The following ADCY7 variants were observed in gnomAD, a reference collection of about 807,000 sequenced individuals.
ADCY7 encodes the protein adenylate cyclase 7.
ADCY7 carries 72 observed loss-of-function variants against 120.6 expected under a neutral mutation model. The observed-to-expected ratio is 0.60, with a 90% CI of 0.49 to 0.73. The LOEUF (loss-of-function observed/expected upper bound fraction) is 0.73, where lower values mean the gene tolerates loss of function less well. Among genes scored for constraint, ADCY7 ranks in the 30% least tolerant of loss-of-function variants. The pLI, the probability that ADCY7 is intolerant of heterozygous loss-of-function variation, is 0.00. For synonymous variants in ADCY7, 661 were observed against 628.0 expected (o/e 1.05, Z -0.78); for missense variants, 1,227 against 1,486.0 (o/e 0.83, Z 2.87).
At position 50,298,681 on chromosome 16, in the gene ADCY7, C is replaced by T. The variant is rs116329091; in HGVS notation, c.949-223C>T. ...CCTCCCCGAGGCCCTTAGGAACACT[C>T]GTGTTCACCTCTGGTGCTTGCCTGG... On this transcript the variant is annotated intron_variant, in intron 7 of 25. Transcript: ENST00000673801. Among the ~76,000 whole-genome samples, 868 of 152,322 alleles carry T rather than the reference C, an allele frequency of 5.7e-3. 10 individuals are homozygous for T. The highest frequency in any genetic ancestry group is 0.02 in the African/African-American group (833 of 41,570).
rs1399428944 is a variant in ADCY7, at chr16:50,297,235, T to A, written c.949-1669T>A. ...TATCAACAATCAGATTCCAGAAGTG[T>A]AAGCTCTTTCCAAGAGCCAGGGCCT... On this transcript the variant is annotated intron_variant, in intron 7 of 25. Transcript: ENST00000673801. The surrounding 1 kb of genome is among the most constrained non-coding windows in gnomAD (Gnocchi z 4.4). Among the ~76,000 whole-genome samples the A allele has an allele frequency of 6.7e-6, 1 of 149,644 alleles. No individual in the cohort carries two copies. Among genetic ancestry groups the A allele is most frequent in the Non-Finnish European group, 1.5e-5 (1 of 67,134 alleles).
At position 50,301,250 on chromosome 16, in the gene ADCY7, C is replaced by T. The variant is rs372662079; in HGVS notation, c.1368+36C>T. On this transcript the variant is annotated intron_variant, in intron 10 of 25. Transcript: ENST00000673801. ...TCAGAGGCCGCAGCTGGGGGGGACC[C>T]GGAGGGACTGGAGGGGCCCTGGAGA... The T allele has an allele frequency of 8.0e-5, 124 of 1,551,810 alleles. 1 individual carries two copies. In the African/African-American group the frequency reaches 1.3e-3, roughly 17 times the overall value.
Position 50,308,323 on chromosome 16 carries a change from C to T in ADCY7, c.1851-4C>T, listed in dbSNP as rs1181618199. 1.9e-6 allele frequency: 3 copies of T among 1,614,202 alleles called. No individual in the cohort carries two copies. Among genetic ancestry groups the T allele is most frequent in the Non-Finnish European group, 2.5e-6 (3 of 1,180,044 alleles). ...CAGAACTGAGGTTCTTCCCTCCTCT[C>T]CAGGACGGCGGCACTGGGTGTGTCC... On this transcript the variant is annotated splice_region_variant and splice_polypyrimidine_tract_variant and intron_variant, in intron 15 of 25. Transcript: ENST00000673801.
rs377149843 is a variant in ADCY7, at chr16:50,274,106, A to C, written c.-269+7426A>C. On this transcript the variant is annotated intron_variant, in intron 1 of 25. Coordinates refer to ENST00000673801, the MANE Select transcript of ADCY7 (RefSeq NM_001114.5). ...TTTAGATTGCCGGAGCTGGAGATGAAAGGGTGGGGCTTGTTTGGGGAACCG... is the reference window on the plus strand; with the variant it reads ...TTTAGATTGCCGGAGCTGGAGATGACAGGGTGGGGCTTGTTTGGGGAACCG... 5.5e-4 allele frequency: 84 copies of C among 152,448 alleles called. 1 individual carries two copies. In the South Asian group the frequency reaches 0.017, roughly 31 times the overall value. The allele number at this position is 152,448 out of a possible 1,614,324, so 9.4% of individuals were successfully genotyped here. A position where few individuals can be genotyped will look rare whatever the true frequency, so the allele number is the denominator to read the frequency against.
chr16:50,307,176 C>T (rs200433547), intron 15 of ADCY7, 29 bp downstream of exon 15: 116 of 1,597,214 alleles, frequency 7.3e-5, no homozygotes, highest in East Asian at 3.1e-4. Context: ...TGTGGGGGTC[C>T]GGCCTGCTGG....
rs1483737012 is a variant in ADCY7, at chr16:50,304,441, A to G, written c.1450A>G (p.Met484Val). Residue 484 changes from methionine (M) to valine (V), a missense_variant, in exon 11 of 26, where the codon ATG (methionine) becomes GTG (valine). Coordinates refer to ENST00000673801, the MANE Select transcript of ADCY7 (RefSeq NM_001114.5). ...CCTGAAGATGCGGGCGTCAGTGCGC[A>G]TGACCCGGTACCTCGAGTCCTGGGG... ...AALKMRASVR[M>V]TRYLESWGAA... 1.9e-6 allele frequency: 3 copies of G among 1,608,236 alleles called. No homozygotes were observed. Among genetic ancestry groups the G allele is most frequent in the Admixed American group, 1.7e-5 (1 of 59,242 alleles).
chr16:50,310,453 G>C, intron 18 of ADCY7: 11 of 1,536,092 alleles, frequency 7.2e-6, no homozygotes, highest in African/African-American at 1.4e-5. Context: ...TGTATCCACA[G>C]CACCTGCATA....
intron 1 of ADCY7, among the ~76,000 whole-genome samples, chr16:50,260,163 A>G (rs574144413): frequency 6.6e-5 from 10 of 152,354 alleles, no homozygotes; most frequent in African/African-American, 2.4e-4. Flanking sequence ...GGCTGGCTGC[A>G]CTGTGTTATT....
chr16:50,291,361 C>T (rs910984168), intron 3 of ADCY7, among the ~76,000 whole-genome samples: 7 of 1,900 alleles, frequency 3.7e-3, no homozygotes, highest in Middle Eastern at 0.25. Context: ...GGAGGGAGGG[C>T]GGGTGGGGCC....
At chr16:50,305,024 G>C (rs2151044491) in intron 12 of ADCY7, 65 bp downstream of exon 12, 4 of 1,600,996 alleles carry the variant, frequency 2.5e-6, no homozygotes, top group South Asian at 2.2e-5. Flanking sequence ...GCTGCCCTGA[G>C]CAGCCTCTGT....
Position 50,297,875 on chromosome 16 carries a change from G to C in ADCY7, c.949-1029G>C, listed in dbSNP as rs2035459377. Among the ~76,000 whole-genome samples, 2 of 152,166 alleles carry C rather than the reference G, an allele frequency of 1.3e-5. No homozygotes were observed. The highest frequency in any genetic ancestry group is 2.9e-5 in the Non-Finnish European group (2 of 68,022). On this transcript the variant is annotated intron_variant, in intron 7 of 25. Coordinates refer to ENST00000673801, the MANE Select transcript of ADCY7 (RefSeq NM_001114.5). This position sits in a 1 kb window ranked among gnomAD's most constrained non-coding sequence, Gnocchi z 4.4. ...CCAGTCCGAGGGTCAGCTGAGTGGG[G>C]TAGAGGGTGGGGAGGGGAGAGCAGA...
chr16:50,307,919 C>G (rs1190591161), intron 15 of ADCY7, among the ~76,000 whole-genome samples: 1 of 144,726 alleles, frequency 6.9e-6, no homozygotes, highest in Non-Finnish European at 1.5e-5. Context: ...TGGTGTGAAC[C>G]TGGGAGGCGG....
At chr16:50,296,647 C>A (rs1469452178) in intron 7 of ADCY7, among the ~76,000 whole-genome samples, 1 of 152,018 alleles carries the variant, frequency 6.6e-6, no homozygotes, top group Non-Finnish European at 1.5e-5. Context: ...TGAGCCACTG[C>A]GCCTGGCCAG....
chr16:50,290,491 C>T lies in ADCY7; in HGVS notation c.206C>T (p.Ala69Val), dbSNP rs752897718. 38 of 1,614,100 alleles carry T rather than the reference C, an allele frequency of 2.4e-5. No homozygotes were observed. In the Admixed American group the frequency reaches 2.7e-4, roughly 11 times the overall value. The change falls in exon 3 of 26, where the codon GCG becomes GTG. Residue 69 changes from alanine (A) to valine (V), a missense_variant. Physicochemically the swap from Ala to Val is moderately conservative, Grantham distance 64 (BLOSUM62 0). Coordinates refer to ENST00000673801, the MANE Select transcript of ADCY7 (RefSeq NM_001114.5). ...AGACACCAGGCCATTCTGGGCATGG[C>T]GTTCCTGGTGCTGGCGGTGTTTGCG... ...PSRHQAILGMAFLVLAVFAAL... is the reference protein window; with the variant it reads ...PSRHQAILGMVFLVLAVFAAL...
chr16:50,296,289 G>A (rs552536479), intron 7 of ADCY7, among the ~76,000 whole-genome samples: 36 of 151,850 alleles, frequency 2.4e-4, no homozygotes, highest in Non-Finnish European at 4.6e-4. Flanking sequence ...CTACGCTCAA[G>A]TGATCCACCC....
At chr16:50,306,031 C>G (rs115702048) in intron 14 of ADCY7, among the ~76,000 whole-genome samples, 182 bp downstream of exon 14, 1 of 152,196 alleles carries the variant, frequency 6.6e-6, no homozygotes, top group Non-Finnish European at 1.5e-5. Context: ...CAGCCTGGCT[C>G]TCTCCTGTCG....
At position 50,304,471 on chromosome 16, in the gene ADCY7, G is replaced by A; in HGVS notation, c.1480G>A (p.Ala494Thr). ...CCGGTACCTCGAGTCCTGGGGGGCG[G>A]CACGGCCCTTTGCACATCTCAACCA... ...MTRYLESWGA[A>T]RPFAHLNHRE... is the part of the protein sequence containing the mutation. Residue 494 changes from alanine to threonine, a missense_variant, in exon 11 of 26, where the codon GCA becomes ACA. This residue lies in a region of ADCY7 where 332 missense variants were observed against 455.8 expected (regional missense o/e 0.73). Transcript: ENST00000673801. 6.2e-7 allele frequency: 1 copy of A among 1,608,800 alleles called. No homozygotes were observed. Among genetic ancestry groups the A allele is most frequent in the South Asian group, 1.1e-5 (1 of 90,666 alleles).
intron 1 of ADCY7, among the ~76,000 whole-genome samples, chr16:50,254,588 C>T (rs1179762637): frequency 1.3e-5 from 2 of 152,146 alleles, no homozygotes; most frequent in Admixed American, 6.5e-5. Flanking sequence ...GAGCTGTATG[C>T]TGAAATCTAT....
intron 1 of ADCY7, among the ~76,000 whole-genome samples, chr16:50,259,512 AC>A (rs1185469484): frequency 6.6e-6 from 1 of 152,046 alleles, no homozygotes; most frequent in Non-Finnish European, 1.5e-5. Context: ...ACACACCATG[AC>A]CCCAGCTGCC....
Sources: gnomAD v4.1 joint callset for allele counts (sites outside exome capture counted in the v4.1 genomes callset) on GRCh38, gnomAD v4.1.1 for gene constraint, gnomAD v4.1.1 regional missense constraint, Gnocchi (gnomAD v3.1) non-coding constraint, MANE v1.5 for transcripts, NCBI Gene and HGNC (gene_info 2026-07-23, HGNC 2026-07-21) for gene names.